SAMMSON: variants seen among roughly 807,000 people sequenced by gnomAD.
SAMMSON encodes survival associated mitochondrial melanoma specific oncogenic non-coding RNA, also known as long intergenic non-protein coding RNA 1212.
intron 6 of SAMMSON, among the ~76,000 whole-genome samples, chr3:70,274,362 T>C (rs1373439582): frequency 6.6e-6 from 1 of 151,788 alleles, no homozygotes; most frequent in African/African-American, 2.4e-5. Flanking sequence ...ATAAACTTAA[T>C]TCTCTTGAAA....
At chr3:70,391,383 T>G (rs1404272256), downstream of SAMMSON, among the ~76,000 whole-genome samples, 2 of 152,168 alleles carry the variant, frequency 1.3e-5, no homozygotes, top group Non-Finnish European at 2.9e-5. Context: ...TTTGGTTGTA[T>G]TTTGTATACA....
At chr3:70,030,712 A>G (rs953371656) in intron 3 of SAMMSON, 1 of 152,182 alleles carries the variant, frequency 6.6e-6, no homozygotes, top group Non-Finnish European at 1.5e-5. Flanking sequence ...AAATAATCCA[A>G]TTCAAAAATG....
At chr3:70,405,705 C>T (rs1701172221) in intron 2 of SAMMSON, among the ~76,000 whole-genome samples, 1 of 152,076 alleles carries the variant, frequency 6.6e-6, no homozygotes. Context: ...ACTTGTGGGA[C>T]AACAGCAGGC....
At chr3:70,371,758 A>G (rs576538255) in intron 9 of SAMMSON, among the ~76,000 whole-genome samples, 28 of 152,096 alleles carry the variant, frequency 1.8e-4, no homozygotes, top group Non-Finnish European at 3.7e-4. Context: ...TTTTCTACAT[A>G]TAAGTTCATG....
At chr3:70,100,482 C>T (rs1576121771) in intron 4 of SAMMSON, among the ~76,000 whole-genome samples, 1 of 149,132 alleles carries the variant, frequency 6.7e-6, no homozygotes, top group African/African-American at 2.5e-5. Context: ...CATTTTTATC[C>T]AGTTTTCAAA....
At chr3:70,116,292 CTTTTTTTTTT>C (rs57252778) in intron 4 of SAMMSON, among the ~76,000 whole-genome samples, 1 of 118,216 alleles carries the variant, frequency 8.5e-6, no homozygotes, top group Non-Finnish European at 1.7e-5. Context: ...GCGATGCTTT[CTTTTTTTTTT>C]TTTTTTTTAA....
chr3:70,292,955 A>G (rs980535592), intron 7 of SAMMSON, among the ~76,000 whole-genome samples: 6 of 151,302 alleles, frequency 4.0e-5, no homozygotes, highest in Non-Finnish European at 8.8e-5. Flanking sequence ...ACAATTAATT[A>G]CTAACAATTT....
intron 9 of SAMMSON, among the ~76,000 whole-genome samples, chr3:70,364,245 T>G (rs1303572820): frequency 1.3e-5 from 2 of 151,924 alleles, no homozygotes; most frequent in African/African-American, 4.8e-5. Context: ...TCTGGCAGTT[T>G]CATCAATAAA....
At chr3:70,001,970 T>G (rs967251101) in intron 1 of SAMMSON, among the ~76,000 whole-genome samples, 1 of 152,214 alleles carries the variant, frequency 6.6e-6, no homozygotes, top group Non-Finnish European at 1.5e-5. Flanking sequence ...AAGCCAGAAT[T>G]AACTTCTGTT....
At chr3:70,245,679 A>G (rs1438047142) in intron 4 of SAMMSON, among the ~76,000 whole-genome samples, 3 of 115,974 alleles carry the variant, frequency 2.6e-5, no homozygotes, top group East Asian at 4.9e-4. Context: ...CTTTATATAT[A>G]TATATATATA....
intron 6 of SAMMSON, among the ~76,000 whole-genome samples, chr3:70,252,820 C>G (rs1001542093): frequency 6.6e-6 from 1 of 152,144 alleles, no homozygotes; most frequent in African/African-American, 2.4e-5. Context: ...TGGCTCATGC[C>G]TGTAATCCCA....
chr3:70,025,012 G>A (rs1327371956), intron 3 of SAMMSON: 1 of 152,112 alleles, frequency 6.6e-6, no homozygotes, highest in East Asian at 1.9e-4. Context: ...GGCTGGAAGA[G>A]GCCTTGAGCT....
chr3:70,012,499 A>G (rs534439220), exon 2 of SAMMSON: 5 of 152,344 alleles, frequency 3.3e-5, no homozygotes, highest in African/African-American at 1.2e-4. Context: ...GGAAGCCTCT[A>G]GAAGCTAGAG....
chr3:70,188,170 G>A (rs1252484341), intron 4 of SAMMSON, among the ~76,000 whole-genome samples: 2 of 152,222 alleles, frequency 1.3e-5, no homozygotes, highest in Admixed American at 1.3e-4. Flanking sequence ...TCTCTTTATT[G>A]TCTTTATAGT....
chr3:70,346,937 T>G (rs1386103695), intron 7 of SAMMSON, among the ~76,000 whole-genome samples: 1 of 152,164 alleles, frequency 6.6e-6, no homozygotes, highest in Non-Finnish European at 1.5e-5. Context: ...CACAAGCTGA[T>G]CTGGCAATGA....
intron 6 of SAMMSON, among the ~76,000 whole-genome samples, chr3:70,288,921 C>A: frequency 6.6e-6 from 1 of 151,830 alleles, no homozygotes; most frequent in East Asian, 1.9e-4. Context: ...GGTAGATCTT[C>A]CTCCATCCTT....
intron 4 of SAMMSON, among the ~76,000 whole-genome samples, chr3:70,186,630 T>C (rs1333420210): frequency 6.6e-6 from 1 of 152,180 alleles, no homozygotes; most frequent in African/African-American, 2.4e-5. Flanking sequence ...GTTTCATTGA[T>C]GGCACCGAAT....
intron 2 of SAMMSON, among the ~76,000 whole-genome samples, chr3:70,413,504 GCAGAAA>G: frequency 6.6e-6 from 1 of 152,084 alleles, no homozygotes; most frequent in Non-Finnish European, 1.5e-5. Flanking sequence ...AATTGTAGAA[GCAGAAA>G]ATGTACGCAG....
At chr3:70,123,406 G>A (rs2067443084) in intron 4 of SAMMSON, among the ~76,000 whole-genome samples, 1 of 152,180 alleles carries the variant, frequency 6.6e-6, no homozygotes, top group South Asian at 2.1e-4. Flanking sequence ...GAGTAGCAAG[G>A]ATTACAGATG....
Sources: gnomAD v4.1 joint callset for allele counts (sites outside exome capture counted in the v4.1 genomes callset) on GRCh38, gnomAD v4.1.1 for gene constraint, MANE v1.5 for transcripts, NCBI Gene and HGNC (gene_info 2026-07-23, HGNC 2026-07-21) for gene names.